MYO1B: variants seen among roughly 807,000 people sequenced by gnomAD.
MYO1B encodes the protein myosin IB.
Under a neutral mutation model 159.7 loss-of-function variants are expected in MYO1B, and 72 were observed. The ratio of observed to expected loss-of-function variants is 0.45; its 90% confidence interval spans 0.37 to 0.55. The LOEUF (loss-of-function observed/expected upper bound fraction) is 0.55, where lower values mean the gene tolerates loss of function less well. Ranked by LOEUF, MYO1B falls within the 20% of genes least tolerant of loss-of-function variation. MYO1B has a pLI of 0.00. For missense variants in MYO1B, 1,062 were observed against 1,364.8 expected, an observed-to-expected ratio of 0.78 and a Z score of 3.50; for synonymous variants, 468 against 473.8, an observed-to-expected ratio of 0.99 and a Z score of 0.16.
At chr2:191,337,303 G>A (rs1691918940) in intron 4 of MYO1B, among the ~76,000 whole-genome samples, 1 of 152,082 alleles carries the variant, frequency 6.6e-6, no homozygotes, top group Non-Finnish European at 1.5e-5. Flanking sequence ...TCTATGTTGT[G>A]TGATAATTAC....
At chr2:191,416,265 A>G in intron 30 of MYO1B, 23 bp downstream of exon 30, 1 of 1,613,548 alleles carries the variant, frequency 6.2e-7, no homozygotes, top group South Asian at 1.1e-5. Context: ...ATTGTTTGAA[A>G]ACCCTTTTTC....
intron 4 of MYO1B, among the ~76,000 whole-genome samples, 175 bp from the exon 5 acceptor site, chr2:191,341,286 T>C (rs1325173769): frequency 6.6e-6 from 1 of 152,184 alleles, no homozygotes; most frequent in African/African-American, 2.4e-5. Flanking sequence ...TAATGACATG[T>C]CACTGAATAG....
At chr2:191,278,221 G>A (rs576536251) in intron 2 of MYO1B, among the ~76,000 whole-genome samples, 2 of 152,326 alleles carry the variant, frequency 1.3e-5, no homozygotes, top group African/African-American at 4.8e-5. Flanking sequence ...TGTCTGATGA[G>A]GACCTGCTTT....
At chr2:191,319,838 A>G (rs1559165751) in intron 3 of MYO1B, among the ~76,000 whole-genome samples, 1 of 152,198 alleles carries the variant, frequency 6.6e-6, no homozygotes, top group South Asian at 2.1e-4. Flanking sequence ...GTTTAAATGT[A>G]TGAAGTTAAA....
intron 4 of MYO1B, among the ~76,000 whole-genome samples, chr2:191,338,862 G>A (rs997822736): frequency 6.6e-6 from 1 of 152,204 alleles, no homozygotes; most frequent in Non-Finnish European, 1.5e-5. Context: ...TCTAAAATGT[G>A]TGAGTGTGTA....
At chr2:191,343,689 G>C (rs2125961380) in intron 5 of MYO1B, among the ~76,000 whole-genome samples, 1 of 152,304 alleles carries the variant, frequency 6.6e-6, no homozygotes, top group South Asian at 2.1e-4. Context: ...TGATGTAAAG[G>C]AGAAATGCTG....
At chr2:191,270,511 C>T (rs1687393393) in intron 1 of MYO1B, among the ~76,000 whole-genome samples, 1 of 152,142 alleles carries the variant, frequency 6.6e-6, no homozygotes, top group Non-Finnish European at 1.5e-5. Flanking sequence ...AGCAGCACAA[C>T]AGGCCTCAAT....
chr2:191,423,803 G>A lies in MYO1B; in HGVS notation c.3288-34G>A, dbSNP rs150243015. On this transcript the variant is annotated intron_variant, in intron 30 of 30. Coordinates refer to ENST00000392318, the MANE Select transcript of MYO1B (RefSeq NM_001130158.3). ...TTATTGTAATCATGAGCTGTTTTGT[G>A]TATACTTTAATTTGTTTTATTCTTT... The A allele has an allele frequency of 4.8e-3, 7,669 of 1,595,834 alleles. 34 individuals are homozygous for A. Among genetic ancestry groups the A allele is most frequent in the Non-Finnish European group, 5.9e-3 (6,912 of 1,172,214 alleles).
At chr2:191,344,407 A>G (rs1422082806) in intron 5 of MYO1B, among the ~76,000 whole-genome samples, 1 of 152,214 alleles carries the variant, frequency 6.6e-6, no homozygotes, top group East Asian at 1.9e-4. Flanking sequence ...CTTCTGTTGA[A>G]GACAGAATTT....
intron 3 of MYO1B, among the ~76,000 whole-genome samples, chr2:191,300,795 G>A (rs1689281705): frequency 6.6e-6 from 1 of 151,788 alleles, no homozygotes; most frequent in Non-Finnish European, 1.5e-5. Flanking sequence ...AATTTGAGCT[G>A]TGTTCACTGT....
intron 29 of MYO1B, among the ~76,000 whole-genome samples, chr2:191,415,499 T>G (rs564030494): frequency 3.9e-5 from 6 of 152,260 alleles, no homozygotes; most frequent in South Asian, 2.1e-4. Flanking sequence ...TGTAAACAGC[T>G]TGGGAACTTT....
At chr2:191,274,684 A>G (rs550820143) in intron 1 of MYO1B, among the ~76,000 whole-genome samples, 12 of 152,250 alleles carry the variant, frequency 7.9e-5, no homozygotes, top group Non-Finnish European at 1.6e-4. Context: ...TATTGTGGAC[A>G]AATTTATTGT....
intron 13 of MYO1B, among the ~76,000 whole-genome samples, chr2:191,376,566 T>C (rs952990443): frequency 3.3e-5 from 5 of 152,240 alleles, no homozygotes; most frequent in Admixed American, 2.6e-4. Flanking sequence ...TCATTTATTA[T>C]GCAGGAGACT....
chr2:191,264,133 G>A (rs999617713), intron 1 of MYO1B, among the ~76,000 whole-genome samples: 1 of 152,062 alleles, frequency 6.6e-6, no homozygotes, highest in East Asian at 1.9e-4. Context: ...AATCAGTGTA[G>A]GTGAAATAAC....
chr2:191,314,129 CAT>C (rs1399834257), intron 3 of MYO1B, among the ~76,000 whole-genome samples: 1 of 152,002 alleles, frequency 6.6e-6, no homozygotes, highest in Non-Finnish European at 1.5e-5. Flanking sequence ...GACCTCTTAA[CAT>C]ATTTTCAATT....
At chr2:191,399,996 C>A (rs116872259) in intron 21 of MYO1B, among the ~76,000 whole-genome samples, 1 of 152,182 alleles carries the variant, frequency 6.6e-6, no homozygotes, top group Non-Finnish European at 1.5e-5. Flanking sequence ...ATAAAAAGGA[C>A]AGCTACAGTT....
intron 11 of MYO1B, among the ~76,000 whole-genome samples, chr2:191,365,346 G>C (rs1162289204): frequency 6.6e-6 from 1 of 152,166 alleles, no homozygotes; most frequent in Non-Finnish European, 1.5e-5. Context: ...CTTGCCCTCT[G>C]TTGCTGAACC....
intron 4 of MYO1B, among the ~76,000 whole-genome samples, chr2:191,331,186 G>A (rs1331025254): frequency 6.6e-6 from 1 of 152,110 alleles, no homozygotes; most frequent in Non-Finnish European, 1.5e-5. Flanking sequence ...TTGTTTTGCA[G>A]GGCTAGCCAA....
At chr2:191,306,064 CACAAGAG>C (rs1223561891) in intron 3 of MYO1B, among the ~76,000 whole-genome samples, 6 of 152,120 alleles carry the variant, frequency 3.9e-5, no homozygotes, top group Admixed American at 6.5e-5. Context: ...AGAGACAAAA[CACAAGAG>C]ACGTTAATAA....
Sources: allele counts gnomAD v4.1 joint callset (sites outside exome capture counted in the v4.1 genomes callset), GRCh38; gene constraint gnomAD v4.1.1; transcripts MANE v1.5; gene names NCBI Gene and HGNC (gene_info 2026-07-23, HGNC 2026-07-21).